The following PLS3 variants were observed in gnomAD, a reference collection of about 807,000 sequenced individuals.
The protein encoded by PLS3 is plastin 3.
A neutral mutation model predicts 46.5 loss-of-function variants in PLS3; 11 were observed. The observed-to-expected ratio is 0.24, with a 90% CI of 0.15 to 0.39. PLS3 has a LOEUF of 0.39. Ranked by LOEUF, PLS3 falls within the 10% of genes least tolerant of loss-of-function variation. The pLI is 1.00. For missense variants in PLS3, 308 were observed against 461.8 expected, an observed-to-expected ratio of 0.67 and a Z score of 3.05; for synonymous variants, 167 against 162.2, an observed-to-expected ratio of 1.03 and a Z score of -0.22.
intron 2 of PLS3, among the ~76,000 whole-genome samples, chrX:115,616,240 T>C (rs1317482219): frequency 8.9e-6 from 1 of 112,228 alleles, no homozygotes; most frequent in Non-Finnish European, 1.9e-5. Flanking sequence ...AATAAGGACA[T>C]AGTCTTATGA....
intron 3 of PLS3, among the ~76,000 whole-genome samples, chrX:115,626,499 G>A (rs2074712198): frequency 9.1e-6 from 1 of 110,099 alleles, no homozygotes; most frequent in Non-Finnish European, 1.9e-5. Context: ...GGTCAGGCTG[G>A]TCTCGAACTC....
At chrX:115,593,463 A>G (rs1366585255) in intron 1 of PLS3, 2 of 111,320 alleles carry the variant, frequency 1.8e-5, no homozygotes, top group Non-Finnish European at 3.8e-5. Context: ...GTATTGTATC[A>G]TTCTTTTGTC....
chrX:115,630,999 G>A (rs1194500263), intron 5 of PLS3, among the ~76,000 whole-genome samples: 4 of 93,025 alleles, frequency 4.3e-5, no homozygotes, highest in South Asian at 9.3e-4. Flanking sequence ...GTATATATAC[G>A]TATATAAAGT....
intron 13 of PLS3, among the ~76,000 whole-genome samples, 159 bp from the exon 14 acceptor site, chrX:115,647,391 G>A (rs1462449292): frequency 8.9e-6 from 1 of 112,141 alleles, no homozygotes. Context: ...AGGAGATTGC[G>A]CCACTGCACT....
chrX:115,634,839 G>T (rs1227127901), intron 6 of PLS3, 42 bp from the exon 7 acceptor site: 6 of 1,146,561 alleles, frequency 5.2e-6, no homozygotes, highest in Non-Finnish European at 7.0e-6. Context: ...GCTAAAAAAT[G>T]GAAAGGTCAA....
chrX:115,566,547 C>CACGA (rs2074174323), intron 1 of PLS3, among the ~76,000 whole-genome samples: 1 of 110,815 alleles, frequency 9.0e-6, no homozygotes, highest in Non-Finnish European at 1.9e-5. Flanking sequence ...CGCCACTGTG[C>CACGA]CCAGCTAGTT....
intron 1 of PLS3, among the ~76,000 whole-genome samples, chrX:115,599,990 A>G (rs2074427684): frequency 9.0e-6 from 1 of 110,708 alleles, no homozygotes; most frequent in Admixed American, 9.7e-5. Context: ...GTCAACGACT[A>G]TCCCAGGCAC....
chrX:115,563,392 G>C lies in PLS3; in HGVS notation c.-9+2132G>C, dbSNP rs139010145. 8.2e-4 allele frequency among the ~76,000 whole-genome samples: 91 copies of C among 111,537 alleles called. 2 individuals are homozygous for C. The highest frequency in any genetic ancestry group is 2.8e-3 in the African/African-American group (87 of 30,748). On this transcript the variant is annotated intron_variant, in intron 1 of 15. Coordinates refer to ENST00000355899, the MANE Select transcript of PLS3 (RefSeq NM_005032.7). ...TTTGGTAGAATAATGAGAGGACACT[G>C]AAACAACTTTCCCATATTGACCTAT... is the stretch of plus-strand genomic sequence containing the variant.
chrX:115,647,550 A>C lies in PLS3; in HGVS notation c.1512A>C (p.Arg504Ser). The C allele has an allele frequency of 1.7e-6, 2 of 1,206,025 alleles. No individual in the cohort carries two copies. Among genetic ancestry groups the C allele is most frequent in the Non-Finnish European group, 2.2e-6 (2 of 890,294 alleles). Residue 504 changes from arginine to serine, a missense_variant and splice_region_variant, in exon 14 of 16, where the codon AGA becomes AGC. This residue lies in a region of PLS3 where 271 missense variants were observed against 435.7 expected (regional missense o/e 0.62). Coordinates refer to ENST00000355899, the MANE Select transcript of PLS3 (RefSeq NM_005032.7). ...CGTTTTCTTCTGCTGCCTCTCTTAG[A>C]TATACCCTCAATGTCCTGGAAGATC... Reference protein sequence around the residue: ...TLALVWQLMRRYTLNVLEDLG... With the variant: ...TLALVWQLMRSYTLNVLEDLG...
chrX:115,645,416 G>A (rs1461720353), intron 11 of PLS3, among the ~76,000 whole-genome samples: 2 of 110,329 alleles, frequency 1.8e-5, no homozygotes, highest in Admixed American at 9.8e-5. Context: ...AGGCTTCAGT[G>A]AGCTATGGTT....
chrX:115,637,073 C>T, intron 8 of PLS3, 95 bp downstream of exon 8: 1 of 872,239 alleles, frequency 1.1e-6, no homozygotes, highest in Non-Finnish European at 1.6e-6. Flanking sequence ...CACTGTATCA[C>T]CAAGCCTTGT....
chrX:115,630,705 A>G (rs868994311), intron 5 of PLS3, among the ~76,000 whole-genome samples: 1 of 83,104 alleles, frequency 1.2e-5, no homozygotes, highest in East Asian at 3.3e-4. Context: ...ATATATATGT[A>G]TATATATACA....
intron 1 of PLS3, among the ~76,000 whole-genome samples, chrX:115,601,385 G>A (rs1412459513): frequency 1.8e-5 from 2 of 108,509 alleles, no homozygotes; most frequent in East Asian, 2.9e-4. Context: ...TATAAGATCC[G>A]CTCTTCAGGA....
rs111323826 is a variant in PLS3 at position 115,636,815 on chromosome X, AT to A, written c.749-8del. ...TATTGTGTCATATAATAACTGTGGG[AT>A]TTTTTTTTTTTTCTTCTAGCCTTGG... On this transcript the variant is annotated intron_variant, in intron 7 of 15. Transcript: ENST00000355899. The A allele has an allele frequency of 0.1, 67,090 of 652,072 alleles. 6 individuals are homozygous for A. The highest frequency in any genetic ancestry group is 0.16 in the East Asian group (2,610 of 16,694). 53.7% of individuals were successfully genotyped at this position (652,072 alleles called of 1,213,427 possible).
intron 1 of PLS3, among the ~76,000 whole-genome samples, chrX:115,596,710 G>A (rs1286505407): frequency 3.6e-5 from 4 of 111,009 alleles, no homozygotes; most frequent in African/African-American, 1.3e-4. Context: ...GGTGGCGCAT[G>A]CTTGTAATGC....
At chrX:115,607,568 C>A (rs1040191534) in intron 1 of PLS3, among the ~76,000 whole-genome samples, 2 of 107,886 alleles carry the variant, frequency 1.9e-5, no homozygotes, top group Middle Eastern at 4.8e-3. Flanking sequence ...GTACGATCTC[C>A]GCTCACTGCA....
chrX:115,630,933 T>C (rs1303757761), intron 5 of PLS3, among the ~76,000 whole-genome samples: 1 of 95,349 alleles, frequency 1.0e-5, no homozygotes, highest in Non-Finnish European at 2.0e-5. Flanking sequence ...ATATACAAAA[T>C]ATATATGTAT....
In PLS3 at chrX:115,629,948, G is replaced by A; in HGVS notation, c.481G>A (p.Gly161Ser). 4.3e-6 allele frequency: 5 copies of A among 1,171,095 alleles called. No homozygotes were observed. Among genetic ancestry groups the A allele is most frequent in the South Asian group, 2.0e-5 (1 of 49,548 alleles). Residue 161 changes from glycine (G) to serine (S), a missense_variant, in exon 5 of 16, where the codon GGT (glycine) becomes AGT (serine). Around this residue, in one of 2 missense-constraint regions of PLS3, gnomAD observed 271 missense variants for 435.7 expected, o/e 0.62. Transcript: ENST00000355899. ...CACCGATGACCTGTTCAAAGCTGTT[G>A]GTGATGGAATTGTGCTTTGGTAAGA... Reference protein sequence around the residue: ...PNTDDLFKAVGDGIVLCKMIN... With the variant: ...PNTDDLFKAVSDGIVLCKMIN...
At position 115,649,320 on chromosome X, in the gene PLS3, T is replaced by C. The variant is rs149254006; in HGVS notation, c.1761-109T>C. On this transcript the variant is annotated intron_variant, in intron 15 of 15. Coordinates refer to ENST00000355899, the MANE Select transcript of PLS3 (RefSeq NM_005032.7). ...ACTGTTCTAATTGGAACTATCAATATGGAATTTTTGCATCCCAGCATAATA... is the reference window on the plus strand; with the variant it reads ...ACTGTTCTAATTGGAACTATCAATACGGAATTTTTGCATCCCAGCATAATA... 3,012 of 595,784 alleles carry C rather than the reference T, an allele frequency of 5.1e-3. 10 individuals carry two copies. The highest frequency in any genetic ancestry group is 5.6e-3 in the South Asian group (95 of 17,013). 49.1% of individuals were successfully genotyped at this position (595,784 alleles called of 1,213,427 possible). A position where few individuals can be genotyped will look rare whatever the true frequency, so the allele number is the denominator to read the frequency against.
Sources: allele counts gnomAD v4.1 joint callset (sites outside exome capture counted in the v4.1 genomes callset), GRCh38; gene constraint gnomAD v4.1.1; regional missense constraint gnomAD v4.1.1; transcripts MANE v1.5; gene names NCBI Gene and HGNC (gene_info 2026-07-23, HGNC 2026-07-21).